The following UNC80 variants were observed in gnomAD, a reference collection of about 807,000 sequenced individuals.
The protein encoded by UNC80 is unc-80 subunit of NALCN channel complex, also known as protein unc-80 homolog.
Under a neutral mutation model 384.6 loss-of-function variants are expected in UNC80, and 164 were observed. That is an observed-to-expected ratio of 0.43 (90% CI 0.38 to 0.49). The LOEUF is 0.49. UNC80 is among the 20% of genes least tolerant of loss of function. The pLI, the probability that UNC80 is intolerant of heterozygous loss-of-function variation, is 0.00. For missense variants in UNC80, 3,330 were observed against 4,143.0 expected (o/e 0.80, Z 5.39); for synonymous variants, 1,486 against 1,527.8 (o/e 0.97, Z 0.64).
intron 34 of UNC80, 48 bp downstream of exon 34, chr2:209,921,734 T>C: frequency 6.7e-7 from 1 of 1,484,196 alleles, no homozygotes; most frequent in Non-Finnish European, 9.0e-7. Context: ...CTCAGGGAAA[T>C]AACGTGCTCT....
chr2:209,947,647 A>C (rs2091971782), intron 47 of UNC80, among the ~76,000 whole-genome samples: 1 of 152,164 alleles, frequency 6.6e-6, no homozygotes, highest in African/African-American at 2.4e-5. Flanking sequence ...GTTCCCTGGG[A>C]TATCTCTCAT....
At chr2:209,959,083 T>G in intron 49 of UNC80, 36 bp from the exon 50 acceptor site, 2 of 1,549,576 alleles carry the variant, frequency 1.3e-6, no homozygotes, top group Non-Finnish European at 1.7e-6. Flanking sequence ...CCGTTCTTGC[T>G]CTAATAGTTA....
chr2:209,778,134 G>A (rs1423684972), intron 4 of UNC80, among the ~76,000 whole-genome samples: 3 of 152,166 alleles, frequency 2.0e-5, no homozygotes, highest in Non-Finnish European at 4.4e-5. Context: ...CAGGCGCGGT[G>A]GCTCACACCT....
chr2:209,905,857 G>A (rs1366668907), intron 29 of UNC80, among the ~76,000 whole-genome samples: 1 of 152,164 alleles, frequency 6.6e-6, no homozygotes, highest in African/African-American at 2.4e-5. Flanking sequence ...ACAGTGACCA[G>A]GGCTGCTGTG....
Position 209,922,229 on chromosome 2 carries a change from ACATTCCC to A in UNC80, c.5531-18_5531-12del. 1 of 1,551,682 alleles carries A rather than the reference ACATTCCC, an allele frequency of 6.4e-7. No individual in the cohort carries two copies. The highest frequency in any genetic ancestry group is 1.2e-5 in the South Asian group (1 of 84,006). ...CTCTTTTGTTATAAAGCCAAAGTTC[ACATTCCC>A]CATTTTGTTTGCCAGTAGAAGAAGT... On this transcript the variant is annotated splice_polypyrimidine_tract_variant and intron_variant, in intron 34 of 64. Transcript: ENST00000673920.
At chr2:209,927,219 A>G (rs1214658552) in intron 36 of UNC80, among the ~76,000 whole-genome samples, 1 of 152,222 alleles carries the variant, frequency 6.6e-6, no homozygotes, top group Non-Finnish European at 1.5e-5. Context: ...AATTGGGTCC[A>G]GGAGCATTGT....
intron 47 of UNC80, among the ~76,000 whole-genome samples, chr2:209,952,318 C>G (rs2092222060): frequency 6.6e-6 from 1 of 152,136 alleles, no homozygotes; most frequent in Non-Finnish European, 1.5e-5. Flanking sequence ...TTCATTTTTA[C>G]TCTCTGACTA....
chr2:209,984,873 A>G lies in UNC80; in HGVS notation c.9275A>G (p.Asp3092Gly). ...TCCTGCAGTGAACCTAATGTCCTCG[A>G]TGACTCCCAGGGCCTGGCCGCCGAG... Reference protein sequence around the residue: ...LPSQSEPNVLDDSQGLAAEGS... With the variant: ...LPSQSEPNVLGDSQGLAAEGS... Residue 3092 changes from aspartate to glycine, a missense_variant, in exon 61 of 65, where the codon GAT (aspartate) becomes GGT (glycine). Asp to Gly is a moderately conservative substitution (Grantham distance 94). Coordinates refer to ENST00000673920, the MANE Select transcript of UNC80 (RefSeq NM_001371986.1). 6.5e-7 allele frequency: 1 copy of G among 1,549,104 alleles called. No homozygotes were observed.
intron 22 of UNC80, among the ~76,000 whole-genome samples, chr2:209,862,275 G>A (rs1204240657): frequency 6.6e-6 from 1 of 151,840 alleles, no homozygotes; most frequent in Non-Finnish European, 1.5e-5. Context: ...TTGCTATGTG[G>A]TGCGGAGAAG....
At chr2:209,832,746 C>T (rs932818715) in intron 16 of UNC80, among the ~76,000 whole-genome samples, 3 of 152,168 alleles carry the variant, frequency 2.0e-5, no homozygotes, top group African/African-American at 4.8e-5. Context: ...ACTGCTTATA[C>T]ATCTTTTTTT....
At chr2:209,955,853 C>T (rs1394140587) in intron 48 of UNC80, among the ~76,000 whole-genome samples, 3 of 150,968 alleles carry the variant, frequency 2.0e-5, no homozygotes, top group Non-Finnish European at 3.0e-5. Context: ...AAGCAATTCT[C>T]ATGCCTCAGC....
intron 14 of UNC80, among the ~76,000 whole-genome samples, chr2:209,827,507 A>C (rs2080625008): frequency 6.6e-6 from 1 of 152,168 alleles, no homozygotes; most frequent in African/African-American, 2.4e-5. Context: ...GGAGCACCGA[A>C]CACTTCCTAT....
intron 23 of UNC80, among the ~76,000 whole-genome samples, chr2:209,874,385 G>A (rs1462031941): frequency 6.6e-6 from 1 of 152,136 alleles, no homozygotes; most frequent in Non-Finnish European, 1.5e-5. Flanking sequence ...AATCCCATTG[G>A]CTTCCTACAG....
chr2:209,876,411 T>A (rs1185068475), intron 23 of UNC80, among the ~76,000 whole-genome samples: 1 of 152,194 alleles, frequency 6.6e-6, no homozygotes, highest in Non-Finnish European at 1.5e-5. Flanking sequence ...AAGAGACGAA[T>A]AAACATAGCC....
intron 54 of UNC80, among the ~76,000 whole-genome samples, chr2:209,971,756 C>A (rs1055140420): frequency 3.9e-5 from 6 of 152,338 alleles, no homozygotes; most frequent in Middle Eastern, 3.4e-3. Flanking sequence ...ACAAAGATCA[C>A]ATATTTCTTT....
intron 60 of UNC80, among the ~76,000 whole-genome samples, chr2:209,983,527 A>G (rs1192862480): frequency 6.6e-6 from 1 of 152,196 alleles, no homozygotes; most frequent in Admixed American, 6.5e-5. Flanking sequence ...GCCAAACAAT[A>G]ACATGTCCTA....
intron 22 of UNC80, among the ~76,000 whole-genome samples, chr2:209,853,028 T>G (rs2082642907): frequency 6.6e-6 from 1 of 152,102 alleles, no homozygotes; most frequent in South Asian, 2.1e-4. Flanking sequence ...CAGATACAGA[T>G]ATAGATATAG....
In UNC80 at chr2:209,976,837, A is replaced by G; in HGVS notation, c.8773-76A>G. 2.8e-6 allele frequency: 4 copies of G among 1,416,470 alleles called. No individual in the cohort carries two copies. In the South Asian group the frequency reaches 6.0e-5, roughly 21 times the overall value. 87.7% of individuals were successfully genotyped at this position (1,416,470 alleles called of 1,614,324 possible). ...ATTACCTTATTTATTCCTCACAACA[A>G]TGAAATAGGTACAGCAATTAGCCCA... On this transcript the variant is annotated intron_variant, in intron 57 of 64. Transcript: ENST00000673920. This position sits in a 1 kb window ranked among gnomAD's most constrained non-coding sequence, Gnocchi z 4.3.
intron 24 of UNC80, among the ~76,000 whole-genome samples, chr2:209,879,730 C>T (rs1033024470): frequency 2.6e-5 from 4 of 152,122 alleles, no homozygotes; most frequent in African/African-American, 9.7e-5. Flanking sequence ...CAATACACAG[C>T]TCATCTTGCA....
Sources: allele counts gnomAD v4.1 joint callset (sites outside exome capture counted in the v4.1 genomes callset), GRCh38; gene constraint gnomAD v4.1.1; non-coding constraint Gnocchi (gnomAD v3.1); transcripts MANE v1.5; gene names NCBI Gene and HGNC (gene_info 2026-07-23, HGNC 2026-07-21).